The following DCTN1 variants were observed in gnomAD, a reference collection of about 807,000 sequenced individuals.
DCTN1 encodes dynactin subunit 1.
DCTN1 carries 61 observed loss-of-function variants against 161.2 expected under a neutral mutation model. That is an observed-to-expected ratio of 0.38 (90% CI 0.31 to 0.47). DCTN1 has a LOEUF of 0.47. DCTN1 is among the 20% of genes least tolerant of loss of function. The pLI is 0.99. For synonymous variants in DCTN1, 653 were observed against 632.4 expected (o/e 1.03, Z -0.49); for missense variants, 1,404 against 1,623.7 (o/e 0.86, Z 2.33).
chr2:74,367,111 T>C lies in DCTN1; in HGVS notation c.2254-4A>G. On this transcript the variant is annotated splice_region_variant and splice_polypyrimidine_tract_variant and intron_variant, in intron 19 of 31. Transcript: ENST00000628224. ...AGTCCAGAGCACTCTGCGTGAACTG[T>C]GAGGATAGAAGCATGCAATCATCAG... 14 of 1,614,148 alleles carry C rather than the reference T, an allele frequency of 8.7e-6. No individual in the cohort carries two copies. The highest frequency in any genetic ancestry group is 1.2e-5 in the Non-Finnish European group (14 of 1,180,038).
In DCTN1 at chr2:74,364,129, T is replaced by A. The variant is rs990735157; in HGVS notation, c.3197-501A>T. On this transcript the variant is annotated intron_variant, in intron 26 of 31. Transcript: ENST00000628224. ...AGTTTCATAAATTCAGAACTATGTT[T>A]GTTTAAAGAGTGCTAATGTTTGTTT... The A allele has an allele frequency of 2.1e-5, 4 of 192,124 alleles. No individual in the cohort carries two copies. In the East Asian group the frequency reaches 3.6e-4, roughly 17 times the overall value. 11.9% of individuals were successfully genotyped at this position (192,124 alleles called of 1,614,324 possible).
At chr2:74,374,885 A>AGGG (rs1675133314) in intron 5 of DCTN1, 1 of 394,800 alleles carries the variant, frequency 2.5e-6, no homozygotes, top group Non-Finnish European at 3.5e-6. Context: ...GCGTGCTCCA[A>AGGG]AAAACTGGGC....
At chr2:74,362,949 T>G (rs747005885) in intron 29 of DCTN1, 45 bp downstream of exon 29, 1 of 1,596,436 alleles carries the variant, frequency 6.3e-7, no homozygotes, top group Non-Finnish European at 8.5e-7. Flanking sequence ...CTGGGCCAAG[T>G]GGAGGGGGCA....
intron 5 of DCTN1, among the ~76,000 whole-genome samples, chr2:74,375,484 T>C (rs1185369832): frequency 1.3e-5 from 2 of 152,302 alleles, no homozygotes; most frequent in African/African-American, 2.4e-5. Flanking sequence ...AAGGGCAGCA[T>C]GGGTGGCCTA....
At chr2:74,368,707 C>T in intron 16 of DCTN1, 21 bp downstream of exon 16, 1 of 1,614,252 alleles carries the variant, frequency 6.2e-7, no homozygotes, top group Non-Finnish European at 8.5e-7. Context: ...TTCTGTGGAA[C>T]ATGTGATTGA....
At position 74,369,816 on chromosome 2, in the gene DCTN1, G is replaced by GAAAAAAAAAA; in HGVS notation, c.1392+139_1392+148dup. On this transcript the variant is annotated intron_variant, in intron 13 of 31. Transcript: ENST00000628224. This position sits in a 1 kb window ranked among gnomAD's most constrained non-coding sequence, Gnocchi z 4.9. Reference sequence around the variant, plus strand: ...GGCAACAGAGCGAGATTCCATCTCAGAAAAAAAAAAAAAAAAAAAAGGCAG... The same window carrying GAAAAAAAAAA: ...GGCAACAGAGCGAGATTCCATCTCAGAAAAAAAAAAAAAAAAAAAAAAAAAAAAAAGGCAG... 3.9e-6 allele frequency: 2 copies of GAAAAAAAAAA among 511,398 alleles called. No homozygotes were observed. The highest frequency in any genetic ancestry group is 6.6e-6 in the Non-Finnish European group (2 of 303,496). 31.7% of individuals were successfully genotyped at this position (511,398 alleles called of 1,614,324 possible).
At chr2:74,375,603 T>C (rs184219876) in intron 5 of DCTN1, among the ~76,000 whole-genome samples, 111 of 152,212 alleles carry the variant, frequency 7.3e-4, no homozygotes, top group Middle Eastern at 3.4e-3. Flanking sequence ...ACTCCATAAA[T>C]ATCAGACCAT....
At chr2:74,391,633 C>T (rs7570851) in intron 1 of DCTN1, 45,741 of 362,308 alleles carry the variant, frequency 0.13, 4,118 homozygotes, top group East Asian at 0.47. Context: ...AGACCGGCCT[C>T]GGGGCAAACG....
At chr2:74,371,912 CAGAG>C (rs1674889829) in intron 7 of DCTN1, 184 bp from the exon 8 acceptor site, 5 of 600,592 alleles carry the variant, frequency 8.3e-6, no homozygotes, top group Admixed American at 2.7e-5. Flanking sequence ...TACAGAGAGG[CAGAG>C]AGAGATAGTG....
chr2:74,391,784 G>A (rs1231220490), intron 1 of DCTN1: 5 of 453,536 alleles, frequency 1.1e-5, no homozygotes, highest in South Asian at 6.2e-5. Context: ...GCAGAGTCGC[G>A]CCTCCGTACC....
rs1426308774 is a variant in DCTN1, at chr2:74,369,156, GGCT to G, written c.1640_1642del (p.Gln547del). The G allele has an allele frequency of 1.9e-6, 3 of 1,614,144 alleles. No homozygotes were observed. The highest frequency in any genetic ancestry group is 2.5e-6 in the Non-Finnish European group (3 of 1,180,064). ...TTTGAAGTCAAAGGTCTCTGGAGGT[GGCT>G]GCTGTTGCCTCTCCACAGATGCTTC... On this transcript the variant is annotated inframe_deletion, in exon 15 of 32. Coordinates refer to ENST00000628224, the MANE Select transcript of DCTN1 (RefSeq NM_004082.5). This position sits in a 1 kb window ranked among gnomAD's most constrained non-coding sequence, Gnocchi z 4.9.
At chr2:74,374,721 G>C in intron 5 of DCTN1, 1 of 1,177,736 alleles carries the variant, frequency 8.5e-7, no homozygotes, top group Non-Finnish European at 1.1e-6. Flanking sequence ...TCTGCTCCAT[G>C]GGGGTGGAGC....
Position 74,371,517 on chromosome 2 carries a change from A to ACC in DCTN1, c.645+18_645+19dup, listed in dbSNP as rs1322467596. ...CCTCTGGGTGTCTTGATTCTCCTTT[A>ACC]CCCCTACCCCAGGCCTTACCTTGGA... On this transcript the variant is annotated intron_variant, in intron 8 of 31. Coordinates refer to ENST00000628224, the MANE Select transcript of DCTN1 (RefSeq NM_004082.5). 5.1e-6 allele frequency: 8 copies of ACC among 1,555,096 alleles called. No homozygotes were observed. Among genetic ancestry groups the ACC allele is most frequent in the Non-Finnish European group, 6.1e-6 (7 of 1,149,538 alleles).
chr2:74,361,947 G>T, intron 31 of DCTN1, 105 bp downstream of exon 31: 1 of 1,251,880 alleles, frequency 8.0e-7, no homozygotes, highest in Non-Finnish European at 1.2e-6. Flanking sequence ...AAGGTATGCA[G>T]TTGTTAGACC....
Position 74,363,353 on chromosome 2 carries a change from G to T in DCTN1, c.3286C>A (p.Gln1096Lys), listed in dbSNP as rs1246390551. The T allele has an allele frequency of 6.2e-7, 1 of 1,612,808 alleles. No individual in the cohort carries two copies. Among genetic ancestry groups the T allele is most frequent in the Non-Finnish European group, 8.5e-7 (1 of 1,179,510 alleles). Residue 1096 changes from glutamine (Q) to lysine (K), a missense_variant, in exon 28 of 32, where the codon CAG (glutamine) becomes AAG (lysine). Around this residue, in one of 9 missense-constraint regions of DCTN1, gnomAD observed 311 missense variants for 298.9 expected, o/e 1.04. Transcript: ENST00000628224. ...ATGTGCAGCCTCATGGCAGAGATCT[G>T]CTGAAGCAGCAGTGGTGAGTCCTTC... is the stretch of plus-strand genomic sequence containing the variant. The part of the protein sequence containing the change: ...LVKDSPLLLQ[Q>K]ISAMRLHISQ...
chr2:74,362,610 T>C (rs983294853), intron 30 of DCTN1, 40 bp downstream of exon 30: 3 of 1,603,030 alleles, frequency 1.9e-6, no homozygotes, highest in Non-Finnish European at 2.6e-6. Flanking sequence ...TCCACCAGTT[T>C]ATGCTGTGAA....
Position 74,361,387 on chromosome 2 carries a change from A to G in DCTN1, c.*112T>C, listed in dbSNP as rs1255160908. 1.4e-6 allele frequency: 2 copies of G among 1,480,768 alleles called. No homozygotes were observed. The highest frequency in any genetic ancestry group is 1.9e-6 in the Non-Finnish European group (2 of 1,076,562). The allele number at this position is 1,480,768 out of a possible 1,614,324, so 91.7% of individuals were successfully genotyped here. ...GGGTGGGAGTGAAGCTGAACGGGGC[A>G]GGAAGAGCTTAACCCACGTTTCTAC... On this transcript the variant is annotated 3_prime_UTR_variant, in exon 32 of 32. Coordinates refer to ENST00000628224, the MANE Select transcript of DCTN1 (RefSeq NM_004082.5).
chr2:74,381,033 C>G (rs1558950980), upstream of DCTN1, among the ~76,000 whole-genome samples: 1 of 152,166 alleles, frequency 6.6e-6, no homozygotes, highest in South Asian at 2.1e-4. Context: ...CATCTCAGAC[C>G]CAATGAAATG....
At chr2:74,377,353 C>A (rs1675284126) in intron 4 of DCTN1, 79 bp downstream of exon 4, 2 of 1,292,002 alleles carry the variant, frequency 1.5e-6, no homozygotes, top group African/African-American at 1.5e-5. Flanking sequence ...CTACTTCTAC[C>A]TGCCTAGCAC....
Sources: allele counts gnomAD v4.1 joint callset (sites outside exome capture counted in the v4.1 genomes callset), GRCh38; gene constraint gnomAD v4.1.1; regional missense constraint gnomAD v4.1.1; non-coding constraint Gnocchi (gnomAD v3.1); transcripts MANE v1.5; gene names NCBI Gene and HGNC (gene_info 2026-07-23, HGNC 2026-07-21).